The following ZZEF1 variants were observed in gnomAD, a reference collection of about 807,000 sequenced individuals.
The protein encoded by ZZEF1 is zinc finger ZZ-type and EF-hand domain containing 1, also known as zinc finger ZZ-type and EF-hand domain-containing protein 1.
Under a neutral mutation model 342.8 loss-of-function variants are expected in ZZEF1, and 157 were observed. That is an observed-to-expected ratio of 0.46 (90% CI 0.40 to 0.52). The LOEUF (loss-of-function observed/expected upper bound fraction) is 0.52, where lower values mean the gene tolerates loss of function less well. Ranked by LOEUF, ZZEF1 falls within the 20% of genes least tolerant of loss-of-function variation. The pLI, the probability that ZZEF1 is intolerant of heterozygous loss-of-function variation, is 0.00. For missense variants in ZZEF1, 3,480 were observed against 3,725.6 expected (o/e 0.93, Z 1.72); for synonymous variants, 1,505 against 1,429.1 (o/e 1.05, Z -1.20).
intron 26 of ZZEF1, among the ~76,000 whole-genome samples, chr17:4,067,780 C>G (rs1243565100): frequency 1.3e-5 from 2 of 152,282 alleles, no homozygotes; most frequent in South Asian, 4.1e-4. Flanking sequence ...ATCACCCAGG[C>G]TGGAGTGCAG....
In ZZEF1 at chr17:4,051,105, G is replaced by A. The variant is rs1479932701; in HGVS notation, c.5601-62C>T. 5.0e-6 allele frequency: 8 copies of A among 1,612,306 alleles called. No homozygotes were observed. The East Asian group carries it at 1.1e-4, about 22-fold the overall frequency. On this transcript the variant is annotated intron_variant, in intron 35 of 54. Coordinates refer to ENST00000381638, the MANE Select transcript of ZZEF1 (RefSeq NM_015113.4). Reference sequence around the variant, plus strand: ...CCAAAAGCTTTTGTGGCTCCAAACAGGAGCACAGGGCCTTAGGAGAGCATG... The same window carrying A: ...CCAAAAGCTTTTGTGGCTCCAAACAAGAGCACAGGGCCTTAGGAGAGCATG...
chr17:4,106,133 A>C (rs1408620884), intron 6 of ZZEF1, among the ~76,000 whole-genome samples: 1 of 152,158 alleles, frequency 6.6e-6, no homozygotes, highest in Non-Finnish European at 1.5e-5. Context: ...TTTTTAGTAG[A>C]GACAGGGTTT....
At chr17:4,096,805 T>G in intron 9 of ZZEF1, 105 bp from the exon 10 acceptor site, 1 of 862,610 alleles carries the variant, frequency 1.2e-6, no homozygotes, top group Non-Finnish European at 1.9e-6. Flanking sequence ...GGGGGGTAAC[T>G]GGTCTGATAT....
chr17:4,042,028 G>A (rs1451861807), intron 39 of ZZEF1, among the ~76,000 whole-genome samples: 1 of 152,118 alleles, frequency 6.6e-6, no homozygotes. Flanking sequence ...ACTTTAAGGA[G>A]AGAAGTATTG....
At chr17:4,057,195 C>T (rs1018148435) in intron 32 of ZZEF1, among the ~76,000 whole-genome samples, 21 of 152,192 alleles carry the variant, frequency 1.4e-4, no homozygotes, top group African/African-American at 2.9e-4. Flanking sequence ...CGAGAAACCG[C>T]GAGCAGGCCC....
At chr17:4,064,935 A>C (rs1477078339) in intron 28 of ZZEF1, 106 bp from the exon 29 acceptor site, 1 of 811,638 alleles carries the variant, frequency 1.2e-6, no homozygotes, top group African/African-American at 1.7e-5. Flanking sequence ...GTAAATGATG[A>C]GTTAATGGGT....
At chr17:4,121,031 C>T (rs79004881) in intron 2 of ZZEF1, among the ~76,000 whole-genome samples, 1 of 152,234 alleles carries the variant, frequency 6.6e-6, no homozygotes, top group Non-Finnish European at 1.5e-5. Context: ...AGGTTCATTC[C>T]AAGACTGATG....
chr17:4,097,601 G>C (rs2058059523), intron 9 of ZZEF1, among the ~76,000 whole-genome samples: 2 of 149,468 alleles, frequency 1.3e-5, no homozygotes, highest in South Asian at 2.2e-4. Flanking sequence ...AACACTGGTA[G>C]TGATGCACAT....
At chr17:4,043,428 A>C (rs2056844740) in intron 38 of ZZEF1, among the ~76,000 whole-genome samples, 1 of 152,144 alleles carries the variant, frequency 6.6e-6, no homozygotes, top group Admixed American at 6.5e-5. Context: ...TAAGCATCAG[A>C]TAGAGAGGGC....
intron 4 of ZZEF1, 31 bp from the exon 5 acceptor site, chr17:4,112,839 T>G (rs745540833): frequency 4.0e-6 from 6 of 1,518,624 alleles, no homozygotes; most frequent in Non-Finnish European, 5.3e-6. Context: ...AAATTACAAA[T>G]GTTTATAGGA....
At chr17:4,103,425 T>C (rs534689467) in intron 8 of ZZEF1, among the ~76,000 whole-genome samples, 2 of 151,296 alleles carry the variant, frequency 1.3e-5, no homozygotes, top group African/African-American at 2.4e-5. Context: ...CCCATGCCTA[T>C]AGTCCCAGCT....
In ZZEF1 at chr17:4,095,951, C is replaced by T; in HGVS notation, c.1793G>A (p.Cys598Tyr). ...MVRRGGIGAQ[C>Y]GLVFAYNSSS... ...TGAGTTATAGGCAAACACCAACCCA[C>T]ACTGGGCACCAATGCCACCACGTCG... Residue 598 changes from cysteine to tyrosine, a missense_variant, in exon 11 of 55, where the codon TGT (cysteine) becomes TAT (tyrosine). Physicochemically the swap from Cys to Tyr is radical, Grantham distance 194. Transcript: ENST00000381638. 3.1e-6 allele frequency: 5 copies of T among 1,612,198 alleles called. No homozygotes were observed. The highest frequency in any genetic ancestry group is 4.2e-6 in the Non-Finnish European group (5 of 1,178,770).
chr17:4,020,787 G>GATA (rs781005019), intron 45 of ZZEF1, among the ~76,000 whole-genome samples: 14 of 152,342 alleles, frequency 9.2e-5, no homozygotes, highest in Non-Finnish European at 1.8e-4. Context: ...GAGAAACTAT[G>GATA]AGGAAGGAAC....
rs1378884717 is a variant in ZZEF1 at position 4,088,848 on chromosome 17, G to A, written c.2071C>T (p.Arg691Cys). The part of the protein sequence containing the change: ...FLCTRQESAE[R>C]LGVQGLTISG... ...ATGGTCAAGCCTTGCACTCCCAAGC[G>A]CTCTGCTGACTCCTGACGGGTGCAG... is the stretch of plus-strand genomic sequence containing the variant. Residue 691 changes from arginine (R) to cysteine (C), a missense_variant, in exon 13 of 55, where the codon CGC (arginine) becomes TGC (cysteine). Arg to Cys is a radical substitution (Grantham distance 180, BLOSUM62 -3). This residue lies in a region of ZZEF1 where 1,528 missense variants were observed against 1,624.1 expected (regional missense o/e 0.94). Coordinates refer to ENST00000381638, the MANE Select transcript of ZZEF1 (RefSeq NM_015113.4). The A allele has an allele frequency of 1.9e-6, 3 of 1,614,024 alleles. No individual in the cohort carries two copies. Among genetic ancestry groups the A allele is most frequent in the African/African-American group, 1.3e-5 (1 of 74,922 alleles).
intron 18 of ZZEF1, among the ~76,000 whole-genome samples, chr17:4,080,334 T>TTTTGTTTG (rs151310316): frequency 6.8e-5 from 3 of 44,104 alleles, no homozygotes; most frequent in African/African-American, 1.2e-4. Flanking sequence ...TTTTTTTGTT[T>TTTTGTTTG]TTTGTTTGTT....
chr17:4,011,999 C>T (rs2055973221), intron 52 of ZZEF1, among the ~76,000 whole-genome samples: 1 of 152,210 alleles, frequency 6.6e-6, no homozygotes. Flanking sequence ...GCTAGGGTGG[C>T]AAGGCATGCT....
At position 4,072,591 on chromosome 17, in the gene ZZEF1, A is replaced by C. The variant is rs770460113; in HGVS notation, c.3834+17T>G. On this transcript the variant is annotated intron_variant, in intron 25 of 54. Transcript: ENST00000381638. ...CAGTTTCCAGTCTAAATAGAAAGAA[A>C]ACGGAAGAGTAAATACCTCCTTACT... 5.9e-5 allele frequency: 94 copies of C among 1,590,682 alleles called. No homozygotes were observed. The South Asian group carries it at 9.7e-4, about 16-fold the overall frequency.
Position 4,034,033 on chromosome 17 carries a change from C to G in ZZEF1, c.6566G>C (p.Gly2189Ala). The change falls in exon 40 of 55, where the codon GGA becomes GCA. Residue 2189 changes from glycine (G) to alanine (A), a missense_variant. Gly to Ala is a moderately conservative substitution (Grantham distance 60). Around this residue, in one of 5 missense-constraint regions of ZZEF1, gnomAD observed 1,269 missense variants for 1,342.4 expected, o/e 0.95. Coordinates refer to ENST00000381638, the MANE Select transcript of ZZEF1 (RefSeq NM_015113.4). ...WKTTHLLFSL[G>A]AVCLDSRVGL... is the part of the protein sequence containing the mutation. ...AGGCTACCTGTCCAGACACACAGCTCCCAGGCTAAAGAGCAGGTGGGTGGT... is the reference window on the plus strand; with the variant it reads ...AGGCTACCTGTCCAGACACACAGCTGCCAGGCTAAAGAGCAGGTGGGTGGT... 6.2e-7 allele frequency: 1 copy of G among 1,614,080 alleles called. No individual in the cohort carries two copies. Among genetic ancestry groups the G allele is most frequent in the Admixed American group, 1.7e-5 (1 of 60,016 alleles).
chr17:4,060,316 T>C (rs2057256033), intron 30 of ZZEF1, among the ~76,000 whole-genome samples: 1 of 152,056 alleles, frequency 6.6e-6, no homozygotes, highest in African/African-American at 2.4e-5. Flanking sequence ...TGTAATCCCA[T>C]CACTTAGGGA....
Sources: gnomAD v4.1 joint callset for allele counts (sites outside exome capture counted in the v4.1 genomes callset) on GRCh38, gnomAD v4.1.1 for gene constraint, gnomAD v4.1.1 regional missense constraint, MANE v1.5 for transcripts, NCBI Gene and HGNC (gene_info 2026-07-23, HGNC 2026-07-21) for gene names.